The following CNTNAP2 variants were observed in gnomAD, a reference collection of about 807,000 sequenced individuals.
CNTNAP2 encodes the protein contactin-associated protein-like 2.
Under a neutral mutation model 155.2 loss-of-function variants are expected in CNTNAP2, and 98 were observed. That is an observed-to-expected ratio of 0.63 (90% CI 0.54 to 0.75). The LOEUF is 0.75. Among genes scored for constraint, CNTNAP2 ranks in the 30% least tolerant of loss-of-function variants. The pLI is 0.00. For synonymous variants in CNTNAP2, 651 were observed against 631.2 expected (o/e 1.03, Z -0.47); for missense variants, 1,727 against 1,688.1 (o/e 1.02, Z -0.40).
intron 2 of CNTNAP2, among the ~76,000 whole-genome samples, chr7:146,794,974 C>A (rs991743931): frequency 2.0e-5 from 3 of 152,170 alleles, no homozygotes; most frequent in Non-Finnish European, 2.9e-5. Flanking sequence ...ATATGACCTG[C>A]AGCTTCATAT....
intron 5 of CNTNAP2, among the ~76,000 whole-genome samples, chr7:147,109,264 A>G (rs1431976461): frequency 2.6e-5 from 4 of 152,170 alleles, no homozygotes. Context: ...AATTAAGGAA[A>G]TAATTTTAGT....
At chr7:147,749,171 A>T (rs1270849704) in intron 13 of CNTNAP2, among the ~76,000 whole-genome samples, 2 of 152,164 alleles carry the variant, frequency 1.3e-5, no homozygotes. Context: ...TGTTTGGCAA[A>T]TTTTTCTTGC....
intron 4 of CNTNAP2, among the ~76,000 whole-genome samples, chr7:147,070,949 G>A (rs1799878663): frequency 6.6e-6 from 1 of 152,146 alleles, no homozygotes; most frequent in African/African-American, 2.4e-5. Flanking sequence ...GTGTGTGTGT[G>A]TGTGTGTATT....
At chr7:147,707,994 G>A (rs1001985909) in intron 13 of CNTNAP2, among the ~76,000 whole-genome samples, 3 of 152,106 alleles carry the variant, frequency 2.0e-5, no homozygotes, top group African/African-American at 4.8e-5. Flanking sequence ...TAGAGTGGGG[G>A]AGAGAGCCAG....
At chr7:147,369,549 G>T (rs963038382) in intron 9 of CNTNAP2, among the ~76,000 whole-genome samples, 1 of 152,160 alleles carries the variant, frequency 6.6e-6, no homozygotes, top group Non-Finnish European at 1.5e-5. Flanking sequence ...AGAATCAGCA[G>T]TCTGTTTTTC....
In CNTNAP2 at chr7:146,413,123, G is replaced by A. The variant is rs117616724; in HGVS notation, c.97+296150G>A. The stretch of plus-strand genomic sequence containing the variant: ...AGCAGCAAAATGCAGCCACATAATG[G>A]TAAAGACATGAGACTTCTCTAGTAT... On this transcript the variant is annotated intron_variant, in intron 1 of 23. Transcript: ENST00000361727. Among the ~76,000 whole-genome samples the A allele has an allele frequency of 7.4e-3, 1,119 of 152,244 alleles. 5 individuals carry two copies. Among genetic ancestry groups the A allele is most frequent in the Non-Finnish European group, 0.01 (700 of 68,024 alleles).
intron 3 of CNTNAP2, among the ~76,000 whole-genome samples, chr7:146,930,120 T>A (rs1471651799): frequency 2.0e-5 from 3 of 151,884 alleles, no homozygotes; most frequent in Non-Finnish European, 2.9e-5. Context: ...GAAGAGCAAC[T>A]CCAAGACACA....
chr7:147,238,750 G>A (rs1221545112), intron 8 of CNTNAP2, among the ~76,000 whole-genome samples: 1 of 152,102 alleles, frequency 6.6e-6, no homozygotes, highest in African/African-American at 2.4e-5. Context: ...CAAGCTCTCA[G>A]ATATTTCTTT....
intron 9 of CNTNAP2, among the ~76,000 whole-genome samples, chr7:147,363,336 G>A (rs1207951786): frequency 2.6e-5 from 4 of 152,114 alleles, no homozygotes; most frequent in African/African-American, 9.7e-5. Context: ...TCTGAACTGT[G>A]AAAAAGGAAT....
intron 13 of CNTNAP2, among the ~76,000 whole-genome samples, chr7:147,687,671 A>C (rs556100676): frequency 1.1e-4 from 16 of 152,100 alleles, no homozygotes; most frequent in African/African-American, 3.6e-4. Context: ...AGATTCTCCA[A>C]CTGTATATAA....
At chr7:148,401,267 G>A (rs1434411727) in intron 22 of CNTNAP2, among the ~76,000 whole-genome samples, 1 of 152,124 alleles carries the variant, frequency 6.6e-6, no homozygotes, top group Non-Finnish European at 1.5e-5. Context: ...TCGTAGCAGC[G>A]ACTCTGGCAC....
intron 13 of CNTNAP2, among the ~76,000 whole-genome samples, chr7:147,852,015 T>C (rs1466484631): frequency 6.6e-6 from 1 of 152,202 alleles, no homozygotes; most frequent in African/African-American, 2.4e-5. Context: ...AAGAACTACT[T>C]ATCCTGGGTC....
intron 13 of CNTNAP2, among the ~76,000 whole-genome samples, chr7:147,779,730 T>C (rs1797637085): frequency 6.6e-6 from 1 of 152,184 alleles, no homozygotes. Flanking sequence ...CAGAGTAATA[T>C]GTTTTGAAAA....
chr7:148,081,388 C>T (rs1010506373), intron 15 of CNTNAP2, among the ~76,000 whole-genome samples: 2 of 151,968 alleles, frequency 1.3e-5, no homozygotes, highest in African/African-American at 2.4e-5. Context: ...TGCAAAAGGC[C>T]GACCCACCCT....
intron 3 of CNTNAP2, among the ~76,000 whole-genome samples, chr7:146,906,404 C>T (rs1419201854): frequency 3.3e-5 from 5 of 152,122 alleles, no homozygotes; most frequent in Admixed American, 2.6e-4. Context: ...ATGTCCCTGT[C>T]TGACAGCTTT....
intron 3 of CNTNAP2, among the ~76,000 whole-genome samples, chr7:146,970,423 A>T (rs932271989): frequency 3.3e-5 from 5 of 152,182 alleles, no homozygotes; most frequent in Non-Finnish European, 7.4e-5. Flanking sequence ...CACTTCTCAA[A>T]AGAAGACATT....
rs1045244503 is a variant in CNTNAP2 at position 147,731,849 on chromosome 7, C to T, written c.2098+92543C>T. On this transcript the variant is annotated intron_variant, in intron 13 of 23. Coordinates refer to ENST00000361727, the MANE Select transcript of CNTNAP2 (RefSeq NM_014141.6). ...AACAGGAGTTTAGAAGAAGTTGATT[C>T]CAACCCTTATGGATGACTTCGAGGG... 1.1e-4 allele frequency among the ~76,000 whole-genome samples: 17 copies of T among 152,198 alleles called. No homozygotes were observed. In the East Asian group the frequency reaches 1.4e-3, roughly 12 times the overall value.
At chr7:146,988,989 C>G (rs1798163621) in intron 3 of CNTNAP2, among the ~76,000 whole-genome samples, 1 of 152,162 alleles carries the variant, frequency 6.6e-6, no homozygotes, top group South Asian at 2.1e-4. Flanking sequence ...GAAATCCACT[C>G]ATTTTTCCTC....
chr7:147,921,124 G>A (rs376246682), intron 14 of CNTNAP2, among the ~76,000 whole-genome samples: 3 of 148,358 alleles, frequency 2.0e-5, no homozygotes, highest in Non-Finnish European at 4.5e-5. Context: ...TTTTTTTTTT[G>A]TTTAACAGGC....
Sources: gnomAD v4.1 joint callset for allele counts (sites outside exome capture counted in the v4.1 genomes callset) on GRCh38, gnomAD v4.1.1 for gene constraint, MANE v1.5 for transcripts, NCBI Gene and HGNC (gene_info 2026-07-23, HGNC 2026-07-21) for gene names.